UAP1: variants seen among roughly 807,000 people sequenced by gnomAD.
UAP1 encodes the protein UDP-N-acetylhexosamine pyrophosphorylase.
In UAP1, 25 loss-of-function variants were observed where a neutral mutation model predicts 58.5. The ratio of observed to expected loss-of-function variants is 0.43; its 90% CI spans 0.31 to 0.60. The LOEUF is 0.60. Among genes scored for constraint, UAP1 ranks in the 20% least tolerant of loss-of-function variants. The probability of loss-of-function intolerance (pLI) is 0.11; values close to 1 mark genes in which losing one functional copy is unlikely to be tolerated. For synonymous variants in UAP1, 208 were observed against 213.0 expected (o/e 0.98, Z 0.21); for missense variants, 575 against 630.0 (o/e 0.91, Z 0.93).
At chr1:162,563,659 G>A (rs1054208838) in intron 1 of UAP1, among the ~76,000 whole-genome samples, 1 of 152,166 alleles carries the variant, frequency 6.6e-6, no homozygotes, top group African/African-American at 2.4e-5. Flanking sequence ...CACCGCGCCC[G>A]GCCCTATGAG....
At chr1:162,579,153 A>T (rs1427126042) in intron 3 of UAP1, among the ~76,000 whole-genome samples, 1 of 152,182 alleles carries the variant, frequency 6.6e-6, no homozygotes, top group African/African-American at 2.4e-5. Flanking sequence ...ATGTTTACTT[A>T]AGCCATTTTA....
At chr1:162,592,042 C>T (rs1371285408) in intron 8 of UAP1, among the ~76,000 whole-genome samples, 3 of 152,204 alleles carry the variant, frequency 2.0e-5, no homozygotes, top group Non-Finnish European at 2.9e-5. Flanking sequence ...AAAAAGCATT[C>T]TGGCATTTAA....
At chr1:162,588,893 C>A in intron 7 of UAP1, 60 bp downstream of exon 7, 1 of 1,503,876 alleles carries the variant, frequency 6.6e-7, no homozygotes, top group Non-Finnish European at 8.9e-7. Flanking sequence ...GCTTTTCACT[C>A]TCTTAGGCAT....
chr1:162,599,877 T>C (rs1188344286), downstream of UAP1: 1 of 152,232 alleles, frequency 6.6e-6, no homozygotes, highest in Non-Finnish European at 1.5e-5. Flanking sequence ...ATTGAGAAAA[T>C]ATGAAACTTG....
At chr1:162,586,676 G>A (rs1022179723) in intron 5 of UAP1, among the ~76,000 whole-genome samples, 1 of 152,098 alleles carries the variant, frequency 6.6e-6, no homozygotes, top group African/African-American at 2.4e-5. Context: ...TGTGGGATTA[G>A]TGTGGTGGCA....
At chr1:162,570,288 C>G (rs940333188) in intron 2 of UAP1, among the ~76,000 whole-genome samples, 1 of 152,144 alleles carries the variant, frequency 6.6e-6, no homozygotes, top group African/African-American at 2.4e-5. Context: ...CACACACACA[C>G]ATATGCATAT....
intron 2 of UAP1, among the ~76,000 whole-genome samples, chr1:162,568,964 C>T (rs991885548): frequency 1.3e-5 from 2 of 152,090 alleles, no homozygotes; most frequent in Admixed American, 1.3e-4. Context: ...AACTAAAATC[C>T]GGAACTATTA....
chr1:162,564,644 T>C (rs1248158190), intron 1 of UAP1, among the ~76,000 whole-genome samples: 1 of 152,226 alleles, frequency 6.6e-6, no homozygotes, highest in Non-Finnish European at 1.5e-5. Context: ...TTGTATCCAT[T>C]GCTCCTTTCT....
intron 10 of UAP1, 132 bp downstream of exon 10, chr1:162,597,990 G>T: frequency 1.3e-6 from 1 of 745,622 alleles, no homozygotes; most frequent in East Asian, 2.6e-5. Flanking sequence ...ATGTTAATTG[G>T]CTTTATTTGA....
chr1:162,566,124 T>C, exon 2 of UAP1: 2 of 1,613,238 alleles, frequency 1.2e-6, no homozygotes, highest in Non-Finnish European at 1.7e-6. Context: ...GAGCACCTAC[T>C]ACGTTTCTGG....
intron 2 of UAP1, among the ~76,000 whole-genome samples, chr1:162,568,825 T>A (rs756162381): frequency 1.3e-5 from 2 of 152,234 alleles, no homozygotes; most frequent in Non-Finnish European, 2.9e-5. Context: ...GTAACTCTTA[T>A]GGAAAGTCAA....
At chr1:162,592,689 G>T (rs768283770) in intron 8 of UAP1, 43 bp from the exon 9 acceptor site, 6 of 1,422,444 alleles carry the variant, frequency 4.2e-6, no homozygotes, top group Non-Finnish European at 5.8e-6. Context: ...GTTATTGTTT[G>T]ATTTGCTTCC....
In UAP1 at chr1:162,589,696, C is replaced by T. The variant is rs139723914; in HGVS notation, c.1170-627C>T. ...ACAAATAAGCTGTATAAAATTAATG[C>T]GTGGTGGCTCATGCCTGTAATTCCA... On this transcript the variant is annotated intron_variant, in intron 7 of 10. Coordinates refer to ENST00000271469, the Ensembl canonical transcript of UAP1. 2.0e-3 allele frequency among the ~76,000 whole-genome samples: 308 copies of T among 152,196 alleles called. 6 individuals carry two copies. The East Asian group carries it at 0.049, about 24-fold the overall frequency.
Position 162,592,792 on chromosome 1 carries a change from C to G in UAP1, c.1409+10C>G. The G allele has an allele frequency of 2.6e-6, 4 of 1,548,474 alleles. No individual in the cohort carries two copies. The highest frequency in any genetic ancestry group is 3.5e-6 in the Non-Finnish European group (4 of 1,144,972). On this transcript the variant is annotated intron_variant, in intron 9 of 10. Coordinates refer to ENST00000271469, the Ensembl canonical transcript of UAP1. The stretch of plus-strand genomic sequence containing the variant: ...CTGATGTCAATCACAAGTAAATATA[C>G]CAGCCTGCCTACAGTGCATGGTGAT...
At chr1:162,583,146 CTTT>C (rs11376471) in intron 5 of UAP1, among the ~76,000 whole-genome samples, 97 of 68,036 alleles carry the variant, frequency 1.4e-3, no homozygotes, top group African/African-American at 5.7e-3. Flanking sequence ...TGGTGTCACT[CTTT>C]TTTTTTTTTT....
intron 8 of UAP1, among the ~76,000 whole-genome samples, chr1:162,590,835 G>A (rs1347091480): frequency 6.7e-6 from 1 of 150,000 alleles, no homozygotes; most frequent in Non-Finnish European, 1.5e-5. Flanking sequence ...TATGGTTAAA[G>A]CCCATCAGTA....
intron 4 of UAP1, among the ~76,000 whole-genome samples, chr1:162,580,522 A>G (rs1355802421): frequency 3.3e-5 from 5 of 152,232 alleles, no homozygotes; most frequent in African/African-American, 1.2e-4. Flanking sequence ...ACCTCAGTCT[A>G]TAAAAATAGA....
chr1:162,564,672 T>C (rs952084931), intron 1 of UAP1, among the ~76,000 whole-genome samples: 3 of 152,218 alleles, frequency 2.0e-5, no homozygotes, highest in Non-Finnish European at 4.4e-5. Context: ...CTTTAAAGCA[T>C]GGTAACACTG....
intron 4 of UAP1, 27 bp downstream of exon 4, chr1:162,579,630 G>A (rs753333455): frequency 6.9e-7 from 1 of 1,453,932 alleles, no homozygotes; most frequent in Non-Finnish European, 9.2e-7. Flanking sequence ...ATTTAATGGT[G>A]ACTAGAAAGG....
Sources: gnomAD v4.1 joint callset for allele counts (sites outside exome capture counted in the v4.1 genomes callset) on GRCh38, gnomAD v4.1.1 for gene constraint, MANE v1.5 for transcripts, NCBI Gene and HGNC (gene_info 2026-07-23, HGNC 2026-07-21) for gene names.